Variants in DLG3 observed in about 807,000 individuals in gnomAD.
DLG3 encodes the protein disks large homolog 3.
In DLG3, 1 loss-of-function variant was observed where a neutral mutation model predicts 64.1. That is an observed-to-expected ratio of 0.02 (90% confidence interval 0.01 to 0.07). The LOEUF is 0.07. Among genes scored for constraint, DLG3 ranks in the 10% least tolerant of loss-of-function variants. DLG3 has a pLI of 1.00. For missense variants in DLG3, 429 were observed against 669.5 expected (o/e 0.64, Z 3.96); for synonymous variants, 245 against 259.8 (o/e 0.94, Z 0.55).
intron 6 of DLG3, chrX:70,451,087 C>G (rs989437187): frequency 6.0e-6 from 2 of 332,823 alleles, no homozygotes; most frequent in African/African-American, 5.2e-5. Flanking sequence ...AGTCCAGATC[C>G]CAGTTCTGTC....
At chrX:70,501,413 C>CTGTCTGTGTGTG (rs1421730747) in intron 18 of DLG3, among the ~76,000 whole-genome samples, 29 of 93,890 alleles carry the variant, frequency 3.1e-4, no homozygotes, top group Admixed American at 6.1e-4. Context: ...GTCTGTCTGT[C>CTGTCTGTGTGTG]TGTGTGTGTG....
At chrX:70,492,918 C>T (rs955023902) in intron 12 of DLG3, among the ~76,000 whole-genome samples, 7 of 111,932 alleles carry the variant, frequency 6.3e-5, no homozygotes, top group South Asian at 3.8e-4. Context: ...TCAGAGCATC[C>T]GGCCAAGAAG....
At chrX:70,448,843 C>A in intron 1 of DLG3, 70 bp from the exon 2 acceptor site, 1 of 1,143,441 alleles carries the variant, frequency 8.7e-7, no homozygotes, top group Non-Finnish European at 1.2e-6. Context: ...GGGGAGGAGG[C>A]AGGTTGACTA....
intron 9 of DLG3, among the ~76,000 whole-genome samples, chrX:70,465,629 T>C (rs1252939912): frequency 1.8e-5 from 2 of 112,021 alleles, no homozygotes; most frequent in Non-Finnish European, 3.8e-5. Flanking sequence ...ATAACCACTG[T>C]TGTATGTGTA....
At position 70,500,560 on chromosome X, in the gene DLG3, C is replaced by T; in HGVS notation, c.2235C>T (p.Pro745=). 8.3e-7 allele frequency: 1 copy of T among 1,205,124 alleles called. No individual in the cohort carries two copies. Among genetic ancestry groups the T allele is most frequent in the Non-Finnish European group, 1.1e-6 (1 of 889,593 alleles). Residue 745 remains proline, a synonymous_variant, in exon 17 of 19, where the codon CCC becomes CCT. Coordinates refer to ENST00000374360, the MANE Select transcript of DLG3 (RefSeq NM_021120.4). ...ACCCCATTGCCATTTTCATCAAGCC[C>T]AAGTCCATTGAAGCCCTTATGTAAG... ...QLYPIAIFIK[P]KSIEALMEMN... is the part of the protein sequence containing the mutation.
intron 9 of DLG3, among the ~76,000 whole-genome samples, chrX:70,462,243 C>CTTTTTTTT (rs141689653): frequency 3.4e-3 from 160 of 46,962 alleles, no homozygotes; most frequent in Non-Finnish European, 4.3e-3. Context: ...TTCTTTCTTT[C>CTTTTTTTT]TTTTTTTTTT....
intron 17 of DLG3, 28 bp downstream of exon 17, chrX:70,500,608 C>T (rs2087538063): frequency 4.6e-6 from 5 of 1,084,740 alleles, no homozygotes; most frequent in Non-Finnish European, 2.6e-6. Context: ...AACTCAGACA[C>T]ACCAAGCTAA....
chrX:70,450,599 C>T (rs2086607455), intron 5 of DLG3, 40 bp from the exon 6 acceptor site: 1 of 1,207,420 alleles, frequency 8.3e-7, no homozygotes, highest in Non-Finnish European at 1.1e-6. Flanking sequence ...AGAAGCCTCT[C>T]CTTCTTCCAA....
intron 2 of DLG3, 152 bp from the exon 3 acceptor site, chrX:70,449,207 A>G: frequency 1.2e-6 from 1 of 850,433 alleles, no homozygotes; most frequent in Admixed American, 2.5e-5. Flanking sequence ...TGATCAGCAG[A>G]GGCTGGGTGT....
intron 13 of DLG3, chrX:70,497,090 G>A: frequency 2.1e-6 from 2 of 957,875 alleles, no homozygotes; most frequent in Non-Finnish European, 3.0e-6. Context: ...GCAGCTCAGT[G>A]TCTCGCTCCT....
chrX:70,501,302 C>A (rs1187499053), intron 18 of DLG3, among the ~76,000 whole-genome samples: 1 of 110,407 alleles, frequency 9.1e-6, no homozygotes, highest in Admixed American at 9.8e-5. Flanking sequence ...CTCCACTCCC[C>A]CTCCCCCAGT....
chrX:70,448,580 G>A, intron 1 of DLG3: 2 of 1,165,040 alleles, frequency 1.7e-6, no homozygotes, highest in Admixed American at 2.6e-5. Context: ...TCCCCCTTAG[G>A]CCAGGCCTGC....
At chrX:70,448,704 G>T (rs2086589982) in intron 1 of DLG3, 1 of 1,053,816 alleles carries the variant, frequency 9.5e-7, no homozygotes, top group African/African-American at 1.9e-5. Context: ...GGTTTGGGCT[G>T]ATATGGTTGG....
chrX:70,501,215 A>G (rs1186393504), intron 18 of DLG3, among the ~76,000 whole-genome samples: 5 of 110,996 alleles, frequency 4.5e-5, no homozygotes, highest in African/African-American at 1.3e-4. Flanking sequence ...GCTTCCTTGA[A>G]TTGTTGGTTT....
At chrX:70,502,105 G>A (rs1179008187) in intron 18 of DLG3, 58 bp from the exon 19 acceptor site, 1 of 909,395 alleles carries the variant, frequency 1.1e-6, no homozygotes, top group Non-Finnish European at 1.6e-6. Flanking sequence ...CAGGATTGCT[G>A]GGTTTGGGGG....
At chrX:70,474,334 T>C (rs187578232) in intron 9 of DLG3, among the ~76,000 whole-genome samples, 1 of 109,418 alleles carries the variant, frequency 9.1e-6, no homozygotes, top group East Asian at 2.9e-4. Context: ...AGAGAAGAGA[T>C]AATAAAATAG....
chrX:70,474,478 G>T (rs1434242929), intron 9 of DLG3, among the ~76,000 whole-genome samples: 1 of 110,816 alleles, frequency 9.0e-6, no homozygotes, highest in Non-Finnish European at 1.9e-5. Context: ...CAGGGAAAAG[G>T]GGGTGTCGTT....
chrX:70,445,349 G>T lies in DLG3; in HGVS notation c.148G>T (p.Gly50Cys), dbSNP rs1166116291. Residue 50 changes from glycine (G) to cysteine (C), a missense_variant, in exon 1 of 19, where the codon GGT (glycine) becomes TGT (cysteine). By Grantham distance (159) the Gly-to-Cys change is radical. Transcript: ENST00000374360. Reference protein sequence around the residue: ...GPGGGNGASAGYGGYSSQTLP... With the variant: ...GPGGGNGASACYGGYSSQTLP... ...AGGTGGGGGCAACGGCGCCAGCGCGGGTTATGGGGGCTACAGCTCGCAGAC... is the reference window on the plus strand; with the variant it reads ...AGGTGGGGGCAACGGCGCCAGCGCGTGTTATGGGGGCTACAGCTCGCAGAC... 8.5e-7 allele frequency: 1 copy of T among 1,172,257 alleles called. No individual in the cohort carries two copies.
intron 14 of DLG3, among the ~76,000 whole-genome samples, chrX:70,498,972 G>A (rs949875887): frequency 2.7e-5 from 3 of 112,111 alleles, no homozygotes; most frequent in South Asian, 3.7e-4. Flanking sequence ...AGCAGCTTCC[G>A]GTTTCAGACT....
Sources: gnomAD v4.1 joint callset for allele counts (sites outside exome capture counted in the v4.1 genomes callset) on GRCh38, gnomAD v4.1.1 for gene constraint, MANE v1.5 for transcripts, NCBI Gene and HGNC (gene_info 2026-07-23, HGNC 2026-07-21) for gene names.